The following PTPRD variants were observed in gnomAD, a reference collection of about 807,000 sequenced individuals.
The protein encoded by PTPRD is receptor-type tyrosine-protein phosphatase delta.
A neutral mutation model predicts 214.5 loss-of-function variants in PTPRD; 34 were observed. The ratio of observed to expected loss-of-function variants is 0.16; its 90% CI spans 0.12 to 0.21. The LOEUF is 0.21. PTPRD is among the 10% of genes least tolerant of loss of function. The pLI, the probability that PTPRD is intolerant of heterozygous loss-of-function variation, is 1.00. For synonymous variants in PTPRD, 1,128 were observed against 845.7 expected (o/e 1.33, Z -5.79); for missense variants, 2,545 against 2,398.7 (o/e 1.06, Z -1.27).
At chr9:8,723,485 C>T (rs2098524089) in intron 12 of PTPRD, among the ~76,000 whole-genome samples, 1 of 152,172 alleles carries the variant, frequency 6.6e-6, no homozygotes, top group Non-Finnish European at 1.5e-5. Context: ...CTCCTTTCTC[C>T]ACAACATCCC....
At chr9:8,713,968 T>C (rs963162612) in intron 12 of PTPRD, 6 of 609,752 alleles carry the variant, frequency 9.8e-6, no homozygotes, top group East Asian at 2.7e-5. Flanking sequence ...GGCCTGACCT[T>C]GGTACACAGT....
chr9:9,188,340 T>A (rs963768169), intron 9 of PTPRD, among the ~76,000 whole-genome samples: 1 of 152,072 alleles, frequency 6.6e-6, no homozygotes, highest in African/African-American at 2.4e-5. Flanking sequence ...ATAAACATCC[T>A]TGTAGATATT....
intron 11 of PTPRD, among the ~76,000 whole-genome samples, chr9:8,785,057 A>C (rs539709383): frequency 5.7e-4 from 86 of 152,146 alleles, no homozygotes; most frequent in African/African-American, 1.9e-3. Context: ...AAAAGAGAAA[A>C]CCCTTGACAG....
chr9:10,461,315 A>G (rs1392755183), intron 2 of PTPRD, among the ~76,000 whole-genome samples: 1 of 141,652 alleles, frequency 7.1e-6, no homozygotes, highest in Admixed American at 7.2e-5. Flanking sequence ...ACAGTGTCAG[A>G]TTTCTAATGA....
chr9:8,803,640 C>T (rs2096615097), intron 11 of PTPRD, among the ~76,000 whole-genome samples: 1 of 151,794 alleles, frequency 6.6e-6, no homozygotes, highest in South Asian at 2.1e-4. Context: ...GGGAGGACTG[C>T]TTGAGTCTAA....
intron 30 of PTPRD, among the ~76,000 whole-genome samples, chr9:8,479,761 G>A (rs112274655): frequency 2.6e-5 from 4 of 152,184 alleles, no homozygotes; most frequent in South Asian, 4.2e-4. Flanking sequence ...TAAATTAATA[G>A]TAAATGCTGA....
chr9:8,917,267 T>A (rs942315601), intron 11 of PTPRD, among the ~76,000 whole-genome samples: 2 of 150,162 alleles, frequency 1.3e-5, no homozygotes, highest in Admixed American at 6.7e-5. Flanking sequence ...TAGCTGGGAT[T>A]ACAGGTGCCC....
At chr9:9,611,646 C>T (rs1360448209) in intron 7 of PTPRD, among the ~76,000 whole-genome samples, 1 of 152,030 alleles carries the variant, frequency 6.6e-6, no homozygotes, top group Non-Finnish European at 1.5e-5. Context: ...AGAACACACA[C>T]ACACACCCAC....
At chr9:10,475,371 A>G (rs537628187) in intron 2 of PTPRD, among the ~76,000 whole-genome samples, 53 of 152,244 alleles carry the variant, frequency 3.5e-4, no homozygotes, top group African/African-American at 1.3e-3. Context: ...TACACAAATC[A>G]ACTGGAAAAT....
chr9:8,517,035 C>G (rs1367250631), intron 21 of PTPRD, among the ~76,000 whole-genome samples: 2 of 151,988 alleles, frequency 1.3e-5, no homozygotes, highest in African/African-American at 2.4e-5. Flanking sequence ...GTCTCAAAGT[C>G]CTGACCCTCA....
intron 26 of PTPRD, among the ~76,000 whole-genome samples, chr9:8,495,808 G>A (rs1224933341): frequency 2.0e-5 from 3 of 152,202 alleles, no homozygotes; most frequent in East Asian, 1.9e-4. Flanking sequence ...CTTGCACACA[G>A]TTACAAGATT....
chr9:10,229,431 A>G (rs954782714), intron 3 of PTPRD, among the ~76,000 whole-genome samples: 2 of 152,082 alleles, frequency 1.3e-5, no homozygotes, highest in Non-Finnish European at 2.9e-5. Flanking sequence ...TATTCACAAT[A>G]GCAAAGACTT....
At chr9:9,195,936 A>C (rs893208206) in intron 9 of PTPRD, among the ~76,000 whole-genome samples, 1 of 152,166 alleles carries the variant, frequency 6.6e-6, no homozygotes, top group East Asian at 1.9e-4. Context: ...AAATATTTTA[A>C]AAATCTGAGA....
At chr9:10,038,565 C>T (rs2097233066) in intron 3 of PTPRD, among the ~76,000 whole-genome samples, 1 of 152,086 alleles carries the variant, frequency 6.6e-6, no homozygotes, top group Non-Finnish European at 1.5e-5. Flanking sequence ...AATATTATCA[C>T]CATTTTGAAA....
intron 14 of PTPRD, among the ~76,000 whole-genome samples, chr9:8,533,286 G>T (rs979999245): frequency 6.6e-6 from 1 of 151,898 alleles, no homozygotes; most frequent in African/African-American, 2.4e-5. Flanking sequence ...CTCTTGCTGC[G>T]TGAATTCAAC....
At chr9:10,158,003 T>TTTCG (rs138430444) in intron 3 of PTPRD, among the ~76,000 whole-genome samples, 1 of 150,954 alleles carries the variant, frequency 6.6e-6, no homozygotes, top group South Asian at 2.1e-4. Flanking sequence ...GTTTATGGTT[T>TTTCG]TTTGTTTGTT....
chr9:8,547,453 G>T (rs1020447709), intron 14 of PTPRD, among the ~76,000 whole-genome samples: 1 of 151,924 alleles, frequency 6.6e-6, no homozygotes, highest in Non-Finnish European at 1.5e-5. Context: ...GACCAGCCTG[G>T]GTAACATGGT....
chr9:9,676,804 T>G (rs1483822656), intron 7 of PTPRD, among the ~76,000 whole-genome samples: 1 of 152,168 alleles, frequency 6.6e-6, no homozygotes, highest in Non-Finnish European at 1.5e-5. Context: ...CCTGACTTTT[T>G]AATGATCGCC....
At chr9:9,551,549 A>C (rs2080246766) in intron 8 of PTPRD, among the ~76,000 whole-genome samples, 2 of 152,018 alleles carry the variant, frequency 1.3e-5, no homozygotes, top group South Asian at 4.1e-4. Flanking sequence ...ACAGGTTCGC[A>C]TAAAGCTGGA....
Sources: allele counts gnomAD v4.1 joint callset (sites outside exome capture counted in the v4.1 genomes callset), GRCh38; gene constraint gnomAD v4.1.1; transcripts MANE v1.5; gene names NCBI Gene and HGNC (gene_info 2026-07-23, HGNC 2026-07-21).